The following CACNA2D1 variants were observed in gnomAD, a reference collection of about 807,000 sequenced individuals.
The protein encoded by CACNA2D1 is voltage-dependent calcium channel subunit alpha-2/delta-1.
A neutral mutation model predicts 171.5 loss-of-function variants in CACNA2D1; 53 were observed. The observed-to-expected ratio is 0.31, with a 90% confidence interval of 0.25 to 0.39. The LOEUF (loss-of-function observed/expected upper bound fraction) is 0.39. CACNA2D1 is among the 10% of genes least tolerant of loss of function. The pLI is 1.00. For missense variants in CACNA2D1, 903 were observed against 1,299.8 expected (o/e 0.69, Z 4.69); for synonymous variants, 442 against 443.1 (o/e 1.00, Z 0.03).
chr7:81,985,117 G>A (rs977286257), intron 21 of CACNA2D1, among the ~76,000 whole-genome samples: 18 of 150,088 alleles, frequency 1.2e-4, no homozygotes, highest in African/African-American at 4.4e-4. Context: ...CTTCCTTAAC[G>A]TATTATATAT....
chr7:82,287,620 T>C (rs1276909403), intron 3 of CACNA2D1, among the ~76,000 whole-genome samples: 1 of 152,222 alleles, frequency 6.6e-6, no homozygotes, highest in African/African-American at 2.4e-5. Flanking sequence ...GATAGCATTA[T>C]GATGCACTTT....
chr7:82,353,628 A>C (rs536191397), intron 1 of CACNA2D1, among the ~76,000 whole-genome samples: 2 of 152,124 alleles, frequency 1.3e-5, no homozygotes, highest in Non-Finnish European at 2.9e-5. Context: ...AGTAACTAGA[A>C]AAAGGAATCC....
intron 6 of CACNA2D1, among the ~76,000 whole-genome samples, chr7:82,107,804 G>C (rs1211262511): frequency 6.6e-6 from 1 of 151,744 alleles, no homozygotes; most frequent in Non-Finnish European, 1.5e-5. Context: ...GGCTGGTCTC[G>C]AACTCCTGAC....
At chr7:82,403,825 G>A (rs951166022) in intron 1 of CACNA2D1, among the ~76,000 whole-genome samples, 3 of 152,140 alleles carry the variant, frequency 2.0e-5, no homozygotes, top group Non-Finnish European at 2.9e-5. Context: ...GTTCCACTAC[G>A]TAGCAGGATG....
At chr7:82,140,084 C>T (rs945333491) in intron 4 of CACNA2D1, among the ~76,000 whole-genome samples, 10 of 152,034 alleles carry the variant, frequency 6.6e-5, no homozygotes, top group African/African-American at 2.4e-4. Context: ...AGCCACCATG[C>T]CCGGCCTTGA....
chr7:82,401,899 A>G (rs946446264), intron 1 of CACNA2D1, among the ~76,000 whole-genome samples: 1 of 152,198 alleles, frequency 6.6e-6, no homozygotes. Context: ...TAGTATTTAC[A>G]TGCATAAGAA....
At chr7:82,418,974 GT>G (rs1298898128) in intron 1 of CACNA2D1, among the ~76,000 whole-genome samples, 1 of 152,094 alleles carries the variant, frequency 6.6e-6, no homozygotes, top group African/African-American at 2.4e-5. Context: ...GCTGGGCGCG[GT>G]GGCGGGCACC....
intron 1 of CACNA2D1, among the ~76,000 whole-genome samples, chr7:82,367,246 G>A (rs957343674): frequency 2.6e-5 from 4 of 152,004 alleles, no homozygotes; most frequent in African/African-American, 9.7e-5. Flanking sequence ...TGACTGCCGT[G>A]AGATGGTATC....
At chr7:82,385,046 C>G (rs1206280942) in intron 1 of CACNA2D1, among the ~76,000 whole-genome samples, 2 of 152,190 alleles carry the variant, frequency 1.3e-5, no homozygotes, top group African/African-American at 4.8e-5. Flanking sequence ...ATGACTCCCT[C>G]CCCTTCCTTG....
intron 4 of CACNA2D1, among the ~76,000 whole-genome samples, chr7:82,160,495 T>C (rs1328177358): frequency 2.0e-5 from 3 of 152,048 alleles, no homozygotes; most frequent in Admixed American, 2.0e-4. Context: ...AATGTAAAAG[T>C]AATAATTTAA....
intron 1 of CACNA2D1, among the ~76,000 whole-genome samples, chr7:82,367,967 G>GA (rs963085099): frequency 2.5e-4 from 37 of 147,928 alleles, no homozygotes; most frequent in African/African-American, 6.9e-4. Flanking sequence ...TATGGAGTCA[G>GA]AAAAAAAAAA....
At chr7:82,413,414 C>T (rs569413622) in intron 1 of CACNA2D1, among the ~76,000 whole-genome samples, 1 of 152,342 alleles carries the variant, frequency 6.6e-6, no homozygotes, top group Non-Finnish European at 1.5e-5. Flanking sequence ...CCCACCTCTG[C>T]CTGGCTGCAG....
chr7:82,069,834 T>C (rs761448406), intron 7 of CACNA2D1, among the ~76,000 whole-genome samples: 1 of 152,088 alleles, frequency 6.6e-6, no homozygotes, highest in Non-Finnish European at 1.5e-5. Context: ...AAAGTTCAAA[T>C]GTATTTTTTC....
At chr7:82,098,723 T>A (rs1812239660) in intron 6 of CACNA2D1, among the ~76,000 whole-genome samples, 1 of 152,198 alleles carries the variant, frequency 6.6e-6, no homozygotes, top group Non-Finnish European at 1.5e-5. Context: ...CATAGTCTCC[T>A]CACCATCAAT....
intron 18 of CACNA2D1, among the ~76,000 whole-genome samples, chr7:82,002,021 C>CAAAAAAAAAA (rs35861959): frequency 5.6e-5 from 5 of 89,434 alleles, no homozygotes; most frequent in Admixed American, 1.3e-4. Context: ...ATTGATTTGA[C>CAAAAAAAAAA]AAAAAAAAAA....
chr7:82,426,724 A>T (rs1049923173), intron 1 of CACNA2D1, among the ~76,000 whole-genome samples: 1 of 152,204 alleles, frequency 6.6e-6, no homozygotes, highest in Admixed American at 6.5e-5. Context: ...ATCATCAGGG[A>T]CAATGGGCCA....
chr7:82,353,588 C>A (rs1048906958), intron 1 of CACNA2D1, among the ~76,000 whole-genome samples: 2 of 151,928 alleles, frequency 1.3e-5, no homozygotes, highest in Admixed American at 1.3e-4. Context: ...TGGAAAGGTA[C>A]ATTTAAAGAA....
At chr7:82,321,519 C>A (rs1182450405) in intron 3 of CACNA2D1, among the ~76,000 whole-genome samples, 2 of 152,204 alleles carry the variant, frequency 1.3e-5, no homozygotes, top group Non-Finnish European at 2.9e-5. Context: ...ATCTTATCTT[C>A]AAACACAATA....
At chr7:82,284,920 T>G (rs78214758) in intron 3 of CACNA2D1, among the ~76,000 whole-genome samples, 30,174 of 152,148 alleles carry the variant, frequency 0.2, 3,557 homozygotes, top group Non-Finnish European at 0.25. Flanking sequence ...TCCATTTTTT[T>G]TTTAAATAGC....
Sources: gnomAD v4.1 joint callset for allele counts (sites outside exome capture counted in the v4.1 genomes callset) on GRCh38, gnomAD v4.1.1 for gene constraint, MANE v1.5 for transcripts, NCBI Gene and HGNC (gene_info 2026-07-23, HGNC 2026-07-21) for gene names.